The following GPR137B variants were observed in gnomAD, a reference collection of about 807,000 sequenced individuals.
GPR137B encodes integral membrane protein GPR137B.
In GPR137B, 42 loss-of-function variants were observed where a neutral mutation model predicts 42.5. The ratio of observed to expected loss-of-function variants is 0.99; its 90% confidence interval spans 0.77 to 1.28. The LOEUF (loss-of-function observed/expected upper bound fraction) is 1.28, where lower values mean the gene tolerates loss of function less well. Among genes scored for constraint, GPR137B ranks in the 50% most tolerant of loss-of-function variants. GPR137B has a pLI of 0.00. For missense variants in GPR137B, 487 were observed against 493.9 expected (o/e 0.99, Z 0.13); for synonymous variants, 218 against 209.7 (o/e 1.04, Z -0.34).
At position 236,142,760 on chromosome 1, in the gene GPR137B, C is replaced by T. The variant is rs35912664; in HGVS notation, c.138C>T (p.Thr46=). The T allele has an allele frequency of 3.6e-3, 5,746 of 1,613,140 alleles. 165 individuals are homozygous for T. In the African/African-American group the frequency reaches 0.064, roughly 18 times the overall value. The change falls in exon 1 of 7, where the codon ACC becomes ACT. Residue 46 remains threonine (T), a synonymous_variant. Transcript: ENST00000366592. ...CCCCCTACGTGAAGCTTGGCCTCAC[C>T]GTCGTCTACACCGTGTTCTACGCGC... ...AVPPYVKLGL[T]VVYTVFYALL... is the part of the protein sequence containing the mutation.
intron 2 of GPR137B, 96 bp from the exon 3 acceptor site, chr1:236,178,318 G>A (rs1452121754): frequency 1.4e-6 from 1 of 733,500 alleles, no homozygotes; most frequent in Non-Finnish European, 2.4e-6. Flanking sequence ...GTCACCTTTG[G>A]TGTGTCTGCT....
At chr1:236,184,001 C>A (rs2102914194) in intron 5 of GPR137B, 95 bp downstream of exon 5, 1 of 809,018 alleles carries the variant, frequency 1.2e-6, no homozygotes, top group Non-Finnish European at 2.0e-6. Context: ...CAGAAGAGAG[C>A]CTCTTCCTTT....
intron 4 of GPR137B, 119 bp from the exon 5 acceptor site, chr1:236,183,659 T>C (rs1662943855): frequency 1.6e-6 from 1 of 637,096 alleles, no homozygotes. Flanking sequence ...CATTCTAAAA[T>C]ATAGGGGAAT....
At chr1:236,162,431 C>T (rs1022953638) in intron 1 of GPR137B, among the ~76,000 whole-genome samples, 2 of 152,338 alleles carry the variant, frequency 1.3e-5, no homozygotes, top group African/African-American at 2.4e-5. Context: ...AATTCAAGCA[C>T]GCTACAGAAA....
At chr1:236,154,570 C>T (rs1042503461) in intron 1 of GPR137B, among the ~76,000 whole-genome samples, 1 of 151,368 alleles carries the variant, frequency 6.6e-6, no homozygotes, top group African/African-American at 2.4e-5. Flanking sequence ...ATAGCTTCCC[C>T]TCGAGGAGGC....
chr1:236,146,929 C>T (rs1558476866), intron 1 of GPR137B, among the ~76,000 whole-genome samples: 2 of 152,146 alleles, frequency 1.3e-5, no homozygotes, highest in East Asian at 1.9e-4. Context: ...CTGCCTCGGC[C>T]TCCTTAGTAG....
At chr1:236,144,245 T>C (rs1326851836) in intron 1 of GPR137B, among the ~76,000 whole-genome samples, 1 of 152,122 alleles carries the variant, frequency 6.6e-6, no homozygotes, top group Non-Finnish European at 1.5e-5. Context: ...CGAAACTTCC[T>C]CTCTACAAAA....
Position 236,142,556 on chromosome 1 carries a change from C to T in GPR137B, c.-67C>T. ...TGCGGCTTGTTTTCTTTCCTCCAGT[C>T]TCGGGGCTGCAGGCTGAGCGCGATG... On this transcript the variant is annotated 5_prime_UTR_variant, in exon 1 of 7. Coordinates refer to ENST00000366592, the MANE Select transcript of GPR137B (RefSeq NM_003272.4). The T allele has an allele frequency of 1.2e-6, 1 of 864,238 alleles. No homozygotes were observed. The highest frequency in any genetic ancestry group is 1.6e-6 in the Non-Finnish European group (1 of 644,466). 53.5% of individuals were successfully genotyped at this position (864,238 alleles called of 1,614,324 possible). A position where few individuals can be genotyped will look rare whatever the true frequency, so the allele number is the denominator to read the frequency against.
chr1:236,179,764 C>T lies in GPR137B; in HGVS notation c.688-115C>T. ...ACTCTGATGGAAGACCCAACAAGAT[C>T]ACAGTGCTCTGAGATCCCAAAGGGC... On this transcript the variant is annotated intron_variant, in intron 3 of 6. Transcript: ENST00000366592. 4 of 687,202 alleles carry T rather than the reference C, an allele frequency of 5.8e-6. No homozygotes were observed. In the South Asian group the frequency reaches 9.5e-5, roughly 16 times the overall value. 42.6% of individuals were successfully genotyped at this position (687,202 alleles called of 1,614,324 possible).
At chr1:236,183,991 C>T in intron 5 of GPR137B, 85 bp downstream of exon 5, 1 of 888,298 alleles carries the variant, frequency 1.1e-6, no homozygotes, top group South Asian at 1.7e-5. Flanking sequence ...CTTCATTTTT[C>T]AGAAGAGAGC....
At chr1:236,151,263 T>C (rs1661851503) in intron 1 of GPR137B, among the ~76,000 whole-genome samples, 1 of 152,070 alleles carries the variant, frequency 6.6e-6, no homozygotes, top group South Asian at 2.1e-4. Context: ...ATATTTCACT[T>C]TTTATGTTTC....
intron 1 of GPR137B, among the ~76,000 whole-genome samples, chr1:236,143,570 T>C (rs1661597740): frequency 6.6e-6 from 1 of 152,206 alleles, no homozygotes; most frequent in African/African-American, 2.4e-5. Context: ...TTAGGAGCTC[T>C]ACAGAACTGC....
intron 5 of GPR137B, among the ~76,000 whole-genome samples, chr1:236,193,412 T>C (rs866081829): frequency 2.0e-5 from 3 of 152,190 alleles, no homozygotes; most frequent in South Asian, 2.1e-4. Flanking sequence ...TGCTGGGTCA[T>C]ATGGTATTTC....
intron 4 of GPR137B, chr1:236,180,324 C>T (rs982830263): frequency 3.7e-6 from 1 of 271,064 alleles, no homozygotes; most frequent in Non-Finnish European, 7.1e-6. Flanking sequence ...TATTTTTGAT[C>T]CGTGGATGGT....
chr1:236,161,717 T>C (rs904783456), intron 1 of GPR137B, among the ~76,000 whole-genome samples: 1 of 152,152 alleles, frequency 6.6e-6, no homozygotes, highest in Non-Finnish European at 1.5e-5. Context: ...CAAGATCTGA[T>C]GGGTTTATCA....
At chr1:236,157,009 C>G (rs1401942362) in intron 1 of GPR137B, among the ~76,000 whole-genome samples, 2 of 152,166 alleles carry the variant, frequency 1.3e-5, no homozygotes, top group Non-Finnish European at 2.9e-5. Context: ...CAGCCACCCA[C>G]GTGGTACTTA....
chr1:236,162,165 C>T (rs922854477), intron 1 of GPR137B, among the ~76,000 whole-genome samples: 6 of 152,146 alleles, frequency 3.9e-5, no homozygotes, highest in African/African-American at 1.4e-4. Flanking sequence ...GGAACTGGAG[C>T]AAAGGTGACT....
intron 5 of GPR137B, among the ~76,000 whole-genome samples, chr1:236,193,318 T>G (rs1663247966): frequency 6.6e-6 from 1 of 152,202 alleles, no homozygotes; most frequent in Admixed American, 6.5e-5. Context: ...CTATGATGAA[T>G]AAGGCTGTTA....
chr1:236,145,275 C>T (rs943908831), intron 1 of GPR137B, among the ~76,000 whole-genome samples: 2 of 152,226 alleles, frequency 1.3e-5, no homozygotes, highest in Admixed American at 1.3e-4. Flanking sequence ...CCCTCTTTCT[C>T]TTACACAAAC....
Sources: allele counts gnomAD v4.1 joint callset (sites outside exome capture counted in the v4.1 genomes callset), GRCh38; gene constraint gnomAD v4.1.1; transcripts MANE v1.5; gene names NCBI Gene and HGNC (gene_info 2026-07-23, HGNC 2026-07-21).